Variants in NXPE2 observed in about 807,000 individuals in gnomAD.
NXPE2 encodes NXPE family member 2.
Under a neutral mutation model 34.4 loss-of-function variants are expected in NXPE2, and 34 were observed. The observed-to-expected ratio is 0.99, with a 90% CI of 0.75 to 1.31. NXPE2 has a LOEUF of 1.31. Ranked by LOEUF, NXPE2 falls within the 40% of genes most tolerant of loss-of-function variation. NXPE2 has a pLI of 0.00. For missense variants in NXPE2, 649 were observed against 672.5 expected, an observed-to-expected ratio of 0.97 and a Z score of 0.39; for synonymous variants, 235 against 231.3, an observed-to-expected ratio of 1.02 and a Z score of -0.15.
At chr11:114,496,317 C>T in the NXPE2 span, among the ~76,000 whole-genome samples, 3 of 152,170 alleles carry the variant, frequency 2.0e-5, no homozygotes, top group Admixed American at 2.0e-4. Flanking sequence ...CTATGTCCCA[C>T]AATCACTGTG....
the NXPE2 span, among the ~76,000 whole-genome samples, chr11:114,740,849 G>A: frequency 6.6e-6 from 1 of 152,072 alleles, no homozygotes; most frequent in East Asian, 1.9e-4. Context: ...TAGCCTTTCT[G>A]TTACTGGGTG....
At chr11:114,747,471 T>C in the NXPE2 span, among the ~76,000 whole-genome samples, 3 of 151,886 alleles carry the variant, frequency 2.0e-5, no homozygotes, top group Non-Finnish European at 4.4e-5. Flanking sequence ...TATATTGCTA[T>C]AAAGAATGAT....
chr11:114,664,417 G>C, the NXPE2 span, among the ~76,000 whole-genome samples: 1 of 152,060 alleles, frequency 6.6e-6, no homozygotes, highest in Non-Finnish European at 1.5e-5. Context: ...TGTGGTGGTA[G>C]TTACATTATC....
the NXPE2 span, among the ~76,000 whole-genome samples, chr11:114,779,270 C>T: frequency 6.6e-6 from 1 of 152,162 alleles, no homozygotes; most frequent in East Asian, 1.9e-4. Flanking sequence ...AAGGGAAGAG[C>T]ATTTAACTTT....
chr11:114,526,272 T>A, the NXPE2 span, among the ~76,000 whole-genome samples: 2 of 152,232 alleles, frequency 1.3e-5, no homozygotes, highest in African/African-American at 2.4e-5. Context: ...GACTACAGAC[T>A]ATAAGATGAT....
At chr11:114,726,435 C>T in the NXPE2 span, among the ~76,000 whole-genome samples, 15 of 152,138 alleles carry the variant, frequency 9.9e-5, no homozygotes, top group East Asian at 9.7e-4. Context: ...TGGTCTCAAA[C>T]TCCTGGTCTC....
the NXPE2 span, among the ~76,000 whole-genome samples, chr11:114,754,726 G>A: frequency 2.0e-5 from 3 of 152,144 alleles, no homozygotes; most frequent in Admixed American, 6.5e-5. Context: ...GGTATAACTG[G>A]TACATATGCT....
intron 2 of NXPE2, among the ~76,000 whole-genome samples, chr11:114,691,138 G>A (rs1314194129): frequency 6.6e-6 from 1 of 152,110 alleles, no homozygotes; most frequent in African/African-American, 2.4e-5. Flanking sequence ...TGGAGGTGAT[G>A]AAACACTCTG....
the NXPE2 span, among the ~76,000 whole-genome samples, chr11:114,470,582 C>CGT: frequency 0.1 from 15,019 of 144,674 alleles, 811 homozygotes; most frequent in East Asian, 0.15. Flanking sequence ...AAAGAATTGA[C>CGT]GTGTGTGTGT....
the NXPE2 span, among the ~76,000 whole-genome samples, chr11:114,504,787 G>T: frequency 2.0e-5 from 3 of 152,150 alleles, no homozygotes; most frequent in Admixed American, 6.5e-5. Flanking sequence ...AATAATCAGC[G>T]CAAGGAATGC....
the NXPE2 span, among the ~76,000 whole-genome samples, chr11:114,662,547 TTC>T: frequency 6.6e-6 from 1 of 152,088 alleles, no homozygotes; most frequent in South Asian, 2.1e-4. Context: ...GCACACAACT[TTC>T]TGAGACACCA....
the NXPE2 span, among the ~76,000 whole-genome samples, chr11:114,778,724 A>ATCAAAGGCACTTGG: frequency 6.6e-6 from 1 of 152,206 alleles, no homozygotes; most frequent in Non-Finnish European, 1.5e-5. Flanking sequence ...GAGCATGTCC[A>ATCAAAGGCACTTGG]TCAAAGGCAC....
At chr11:114,590,475 A>G in the NXPE2 span, among the ~76,000 whole-genome samples, 1 of 152,288 alleles carries the variant, frequency 6.6e-6, no homozygotes, top group African/African-American at 2.4e-5. Context: ...GGTGAGATAG[A>G]TCATCCTCTA....
At chr11:114,781,982 G>A in the NXPE2 span, among the ~76,000 whole-genome samples, 27 of 152,194 alleles carry the variant, frequency 1.8e-4, no homozygotes, top group Non-Finnish European at 2.9e-4. Context: ...GTCGTCCCTC[G>A]GTATCCGTGG....
chr11:114,704,103 G>A, intron 4 of NXPE2, 51 bp downstream of exon 4: 1 of 1,285,306 alleles, frequency 7.8e-7, no homozygotes, highest in Non-Finnish European at 1.1e-6. Context: ...TCCACGGAAA[G>A]GACATGCTTA....
At chr11:114,805,323 AGTGCCAGACAGTAGGTGCAGGACAGTGG>A in the NXPE2 span, among the ~76,000 whole-genome samples, 1 of 151,894 alleles carries the variant, frequency 6.6e-6, no homozygotes, top group Non-Finnish European at 1.5e-5. Context: ...CTCACTGGGG[AGTGCCAGACAGTAGGTGCAGGACAGTGG>A]GTGCAGCGCA....
rs371747949 is a variant in NXPE2, at chr11:114,699,586, A to G, written c.866+808A>G. ...TGGACCATGTCCTCTCACCTCTGGC[A>G]TTTCACAAGCTTTGGTTTACACATC... is the stretch of plus-strand genomic sequence containing the variant. On this transcript the variant is annotated intron_variant, in intron 3 of 5. Transcript: ENST00000389586. Among the ~76,000 whole-genome samples, 8 of 152,160 alleles carry G rather than the reference A, an allele frequency of 5.3e-5. No individual in the cohort carries two copies. In the East Asian group the frequency reaches 1.2e-3, roughly 22 times the overall value.
the NXPE2 span, among the ~76,000 whole-genome samples, chr11:114,729,253 C>CT: frequency 1.3e-5 from 2 of 152,092 alleles, no homozygotes; most frequent in Non-Finnish European, 2.9e-5. Flanking sequence ...TGATTTCATT[C>CT]TTTTTTATGG....
chr11:114,737,804 T>C, the NXPE2 span, among the ~76,000 whole-genome samples: 4 of 152,036 alleles, frequency 2.6e-5, no homozygotes, highest in African/African-American at 7.2e-5. Flanking sequence ...TTGGAGAGGC[T>C]GGGCGCAGTG....
Sources: gnomAD v4.1 joint callset for allele counts (sites outside exome capture counted in the v4.1 genomes callset) on GRCh38, gnomAD v4.1.1 for gene constraint, MANE v1.5 for transcripts, NCBI Gene and HGNC (gene_info 2026-07-23, HGNC 2026-07-21) for gene names.